DPP9: variants seen among roughly 807,000 people sequenced by gnomAD.
DPP9 encodes dipeptidyl peptidase 9.
Under a neutral mutation model 110.7 loss-of-function variants are expected in DPP9, and 50 were observed. The observed-to-expected ratio is 0.45, with a 90% CI of 0.36 to 0.57. The LOEUF (loss-of-function observed/expected upper bound fraction) is 0.57. Ranked by LOEUF, DPP9 falls within the 20% of genes least tolerant of loss-of-function variation. DPP9 has a pLI of 0.00. For missense variants in DPP9, 1,022 were observed against 1,217.9 expected, an observed-to-expected ratio of 0.84 and a Z score of 2.39; for synonymous variants, 561 against 514.4, an observed-to-expected ratio of 1.09 and a Z score of -1.23.
Position 4,713,348 on chromosome 19 carries a change from G to T in DPP9, c.313+733C>A, listed in dbSNP as rs571348868. Among the ~76,000 whole-genome samples the T allele has an allele frequency of 5.2e-4, 79 of 152,334 alleles. 1 individual carries two copies. The highest frequency in any genetic ancestry group is 9.3e-4 in the Non-Finnish European group (63 of 68,014). On this transcript the variant is annotated intron_variant, in intron 4 of 21. Coordinates refer to ENST00000262960, the MANE Select transcript of DPP9 (RefSeq NM_139159.5). ...CGAATATCCGCTGCCCACCTCACGG[G>T]AGCCAGGCCCACAGTGGCTGCAGAA...
chr19:4,692,983 C>G (rs2091461490), intron 13 of DPP9, among the ~76,000 whole-genome samples: 2 of 152,196 alleles, frequency 1.3e-5, no homozygotes, highest in South Asian at 4.1e-4. Context: ...GTCCCTGGCT[C>G]ATTCGCCCTT....
intron 7 of DPP9, among the ~76,000 whole-genome samples, chr19:4,703,144 G>T (rs559221026): frequency 5.6e-4 from 85 of 152,258 alleles, no homozygotes; most frequent in African/African-American, 2.0e-3. Context: ...ACCAAGACAA[G>T]GAAGGATGGG....
chr19:4,711,598 C>T (rs1214992031), intron 4 of DPP9, among the ~76,000 whole-genome samples: 2 of 151,830 alleles, frequency 1.3e-5, no homozygotes, highest in Admixed American at 6.6e-5. Flanking sequence ...CATGGAGAAA[C>T]CCTGCTTCTA....
chr19:4,703,848 T>A, intron 7 of DPP9, 38 bp downstream of exon 7: 1 of 1,568,604 alleles, frequency 6.4e-7, no homozygotes, highest in Non-Finnish European at 8.6e-7. Context: ...GCTGGCCAGG[T>A]GGCTATGGTG....
chr19:4,702,487 T>C, intron 8 of DPP9, 116 bp downstream of exon 8: 1 of 798,396 alleles, frequency 1.3e-6, no homozygotes. Flanking sequence ...GTGTTGGTAT[T>C]GACAGACTGT....
chr19:4,696,131 C>A lies in DPP9; in HGVS notation c.1176-576G>T, dbSNP rs565906036. On this transcript the variant is annotated intron_variant, in intron 11 of 21. Transcript: ENST00000262960. ...GGCCAGGCTAGTCTCGAACTCCTGA[C>A]CTCAGATGATCCGCCAGCCCCAGCC... Among the ~76,000 whole-genome samples the A allele has an allele frequency of 2.0e-5, 3 of 152,228 alleles. No homozygotes were observed. The East Asian group carries it at 5.8e-4, about 29-fold the overall frequency.
Position 4,676,485 on chromosome 19 carries a change from C to T in DPP9, c.*79G>A. 7.8e-7 allele frequency: 1 copy of T among 1,287,164 alleles called. No individual in the cohort carries two copies. The highest frequency in any genetic ancestry group is 2.5e-5 in the East Asian group (1 of 39,610). 79.7% of individuals were successfully genotyped at this position (1,287,164 alleles called of 1,614,324 possible). A position where few individuals can be genotyped will look rare whatever the true frequency, so the allele number is the denominator to read the frequency against. Reference sequence around the variant, plus strand: ...AAGTGCCTCACTGGGGCCCGCGGGCCACTCAGTCCCTCCCGCCTGGTTCCC... The same window carrying T: ...AAGTGCCTCACTGGGGCCCGCGGGCTACTCAGTCCCTCCCGCCTGGTTCCC... On this transcript the variant is annotated 3_prime_UTR_variant, in exon 22 of 22. Coordinates refer to ENST00000262960, the MANE Select transcript of DPP9 (RefSeq NM_139159.5). This position sits in a 1 kb window ranked among gnomAD's most constrained non-coding sequence, Gnocchi z 4.0.
Position 4,685,558 on chromosome 19 carries a change from T to C in DPP9, c.2031+68A>G. 1 of 1,493,422 alleles carries C rather than the reference T, an allele frequency of 6.7e-7. No homozygotes were observed. The highest frequency in any genetic ancestry group is 2.4e-5 in the East Asian group (1 of 41,744). 92.5% of individuals were successfully genotyped at this position (1,493,422 alleles called of 1,614,324 possible). ...TGGTTGACTGTTCTACAGCTGGCAC[T>C]TGAGTGGGGATGGGGAGTCCTCGGG... On this transcript the variant is annotated intron_variant, in intron 17 of 21. Coordinates refer to ENST00000262960, the MANE Select transcript of DPP9 (RefSeq NM_139159.5). This position sits in a 1 kb window ranked among gnomAD's most constrained non-coding sequence, Gnocchi z 5.8.
At chr19:4,679,607 C>T (rs988970821) in intron 21 of DPP9, 2 of 551,200 alleles carry the variant, frequency 3.6e-6, no homozygotes, top group Non-Finnish European at 6.5e-6. Context: ...CCCGTGCTTC[C>T]AGCACCGAAG....
At chr19:4,691,306 T>A (rs1045802094) in intron 13 of DPP9, among the ~76,000 whole-genome samples, 1 of 151,028 alleles carries the variant, frequency 6.6e-6, no homozygotes, top group Non-Finnish European at 1.5e-5. Context: ...AGACCCTGTC[T>A]CTCCAAAAAA....
At chr19:4,692,246 C>T (rs1015622670) in intron 13 of DPP9, among the ~76,000 whole-genome samples, 1 of 152,092 alleles carries the variant, frequency 6.6e-6, no homozygotes, top group Non-Finnish European at 1.5e-5. Flanking sequence ...AATGACAGTG[C>T]GGGGTGCATC....
At position 4,695,647 on chromosome 19, in the gene DPP9, G is replaced by A. The variant is rs2091740938; in HGVS notation, c.1176-92C>T. On this transcript the variant is annotated intron_variant, in intron 11 of 21. Coordinates refer to ENST00000262960, the MANE Select transcript of DPP9 (RefSeq NM_139159.5). This position sits in a 1 kb window ranked among gnomAD's most constrained non-coding sequence, Gnocchi z 4.7. ...CTGGGGACGCAGCGTCCAAACCCGTGTGGAATCAGGGCTGGGCTTCCTGCG... is the reference window on the plus strand; with the variant it reads ...CTGGGGACGCAGCGTCCAAACCCGTATGGAATCAGGGCTGGGCTTCCTGCG... 7.7e-6 allele frequency: 9 copies of A among 1,165,268 alleles called. No homozygotes were observed. Among genetic ancestry groups the A allele is most frequent in the Non-Finnish European group, 9.2e-6 (8 of 868,584 alleles). 72.2% of individuals were successfully genotyped at this position (1,165,268 alleles called of 1,614,324 possible).
Position 4,700,286 on chromosome 19 carries a change from A to C in DPP9, c.1013-9T>G. ...CTTGGGATTCTTGCTGCCTGCAAAAACCGAAGTGAGGTGAACACCAGGCAG... is the reference window on the plus strand; with the variant it reads ...CTTGGGATTCTTGCTGCCTGCAAAACCCGAAGTGAGGTGAACACCAGGCAG... On this transcript the variant is annotated splice_polypyrimidine_tract_variant and intron_variant, in intron 9 of 21. Transcript: ENST00000262960. The surrounding 1 kb of genome is among the most constrained non-coding windows in gnomAD (Gnocchi z 4.3). The C allele has an allele frequency of 6.3e-7, 1 of 1,591,086 alleles. No homozygotes were observed. Among genetic ancestry groups the C allele is most frequent in the Non-Finnish European group, 8.6e-7 (1 of 1,166,014 alleles).
intron 9 of DPP9, among the ~76,000 whole-genome samples, chr19:4,701,715 C>T (rs75029446): frequency 0.064 from 9,744 of 152,324 alleles, 542 homozygotes; most frequent in African/African-American, 0.15. Flanking sequence ...CGTGCCACTT[C>T]TGTGCTCCAG....
At chr19:4,683,401 C>T (rs1205801858) in intron 19 of DPP9, 76 bp downstream of exon 19, 49 of 1,587,042 alleles carry the variant, frequency 3.1e-5, no homozygotes, top group Middle Eastern at 1.7e-4. Flanking sequence ...GTGGCGCGGG[C>T]GGTGGGCAAA....
chr19:4,698,177 T>C lies in DPP9; in HGVS notation c.1075-526A>G, dbSNP rs934921913. On this transcript the variant is annotated intron_variant, in intron 10 of 21. Coordinates refer to ENST00000262960, the MANE Select transcript of DPP9 (RefSeq NM_139159.5). The surrounding 1 kb of genome is among the most constrained non-coding windows in gnomAD (Gnocchi z 4.2). ...GCTGTCCCTTAGAGCCAGGTGGCTC[T>C]GGGCAAGCACAGTCCCCGGACCCAG... is the stretch of plus-strand genomic sequence containing the variant. Among the ~76,000 whole-genome samples the C allele has an allele frequency of 6.6e-6, 1 of 152,208 alleles. No homozygotes were observed. Among genetic ancestry groups the C allele is most frequent in the African/African-American group, 2.4e-5 (1 of 41,462 alleles).
rs775109428 is a variant in DPP9 at position 4,694,761 on chromosome 19, G to A, written c.1416C>T (p.Arg472=). Residue 472 remains arginine (R), a synonymous_variant, in exon 13 of 22, where the codon CGC becomes CGT. Transcript: ENST00000262960. This position sits in a 1 kb window ranked among gnomAD's most constrained non-coding sequence, Gnocchi z 4.0. ...SEGEDELCFL[R]ANECKTGFCH... Reference sequence around the variant, plus strand: ...AGAAGCCGGTCTTGCATTCATTGGCGCGGAGAAAGCAGAGCTCGTCCTCTC... The same window carrying A: ...AGAAGCCGGTCTTGCATTCATTGGCACGGAGAAAGCAGAGCTCGTCCTCTC... 10 of 1,613,806 alleles carry A rather than the reference G, an allele frequency of 6.2e-6. No individual in the cohort carries two copies. Among genetic ancestry groups the A allele is most frequent in the Middle Eastern group, 1.6e-4 (1 of 6,084 alleles).
At chr19:4,677,827 T>C (rs1456558332) in intron 21 of DPP9, among the ~76,000 whole-genome samples, 2 of 152,164 alleles carry the variant, frequency 1.3e-5, no homozygotes, top group Non-Finnish European at 2.9e-5. Context: ...AGAGGGCAGA[T>C]AGAGGGTCTG....
At chr19:4,681,787 G>A (rs1014579936) in intron 20 of DPP9, among the ~76,000 whole-genome samples, 1 of 147,780 alleles carries the variant, frequency 6.8e-6, no homozygotes, top group Non-Finnish European at 1.5e-5. Context: ...GGCTGGTCTC[G>A]AACTCCTACC....
Sources: allele counts gnomAD v4.1 joint callset (sites outside exome capture counted in the v4.1 genomes callset), GRCh38; gene constraint gnomAD v4.1.1; non-coding constraint Gnocchi (gnomAD v3.1); transcripts MANE v1.5; gene names NCBI Gene and HGNC (gene_info 2026-07-23, HGNC 2026-07-21).